Variants in ADAMTSL1 observed in about 807,000 individuals in gnomAD.
ADAMTSL1 encodes ADAMTS-like protein 1.
ADAMTSL1 carries 126 observed loss-of-function variants against 201.8 expected under a neutral mutation model. The ratio of observed to expected loss-of-function variants is 0.62; its 90% CI spans 0.54 to 0.72. The LOEUF (loss-of-function observed/expected upper bound fraction) is 0.72, where lower values mean the gene tolerates loss of function less well. ADAMTSL1 is among the 30% of genes least tolerant of loss of function. ADAMTSL1 has a pLI of 0.00. For synonymous variants in ADAMTSL1, 1,121 were observed against 903.4 expected (o/e 1.24, Z -4.32); for missense variants, 2,679 against 2,277.8 (o/e 1.18, Z -3.59).
At chr9:18,554,432 T>C (rs759623097) in intron 3 of ADAMTSL1, among the ~76,000 whole-genome samples, 28 of 151,850 alleles carry the variant, frequency 1.8e-4, no homozygotes, top group Non-Finnish European at 3.4e-4. Flanking sequence ...GTTTACGATG[T>C]GTACTTCCTG....
At chr9:17,923,770 A>G (rs1183419699) in intron 1 of ADAMTSL1, among the ~76,000 whole-genome samples, 44 of 139,256 alleles carry the variant, frequency 3.2e-4, no homozygotes, top group Admixed American at 2.2e-3. Flanking sequence ...TTTGTCATAG[A>G]TAGCTCTTAT....
At chr9:18,642,191 G>A (rs1791253990) in intron 7 of ADAMTSL1, among the ~76,000 whole-genome samples, 1 of 151,838 alleles carries the variant, frequency 6.6e-6, no homozygotes, top group Non-Finnish European at 1.5e-5. Context: ...CTATCCAACA[G>A]CTATCTGAAG....
intron 1 of ADAMTSL1, among the ~76,000 whole-genome samples, chr9:17,943,734 A>G (rs1040305668): frequency 3.9e-5 from 6 of 152,136 alleles, no homozygotes; most frequent in South Asian, 2.1e-4. Context: ...TATCTGTATT[A>G]GGCTTTTCTT....
At chr9:18,091,866 A>G (rs1234118892) in intron 1 of ADAMTSL1, among the ~76,000 whole-genome samples, 1 of 152,094 alleles carries the variant, frequency 6.6e-6, no homozygotes, top group East Asian at 1.9e-4. Context: ...ATTGTGAGTG[A>G]GTGAGTGAGT....
chr9:18,775,295 T>G (rs1588085363), intron 17 of ADAMTSL1, among the ~76,000 whole-genome samples: 2 of 152,242 alleles, frequency 1.3e-5, no homozygotes, highest in East Asian at 3.8e-4. Flanking sequence ...TAAAATATTG[T>G]CACTTACTTG....
At chr9:18,677,464 A>C (rs1006289683) in intron 10 of ADAMTSL1, among the ~76,000 whole-genome samples, 1 of 152,072 alleles carries the variant, frequency 6.6e-6, no homozygotes. Context: ...TGTGAAATAA[A>C]TGTTCATAGG....
chr9:18,229,862 AT>A (rs1398395942), intron 2 of ADAMTSL1, among the ~76,000 whole-genome samples: 2 of 151,844 alleles, frequency 1.3e-5, no homozygotes. Flanking sequence ...TGCCCGGCTA[AT>A]TTTTTGTATT....
intron 1 of ADAMTSL1, among the ~76,000 whole-genome samples, chr9:17,924,933 G>A (rs1826464184): frequency 8.0e-6 from 1 of 124,310 alleles, no homozygotes; most frequent in Non-Finnish European, 1.7e-5. Flanking sequence ...CAAAATGGGA[G>A]AAAATTTTCG....
chr9:18,250,145 T>C (rs1043134806), intron 2 of ADAMTSL1, among the ~76,000 whole-genome samples: 5 of 152,234 alleles, frequency 3.3e-5, no homozygotes, highest in Non-Finnish European at 5.9e-5. Context: ...TTTCTCATTC[T>C]ATTTTAAGTA....
chr9:18,852,993 A>G (rs777175519), intron 23 of ADAMTSL1, among the ~76,000 whole-genome samples: 3 of 152,194 alleles, frequency 2.0e-5, no homozygotes, highest in Non-Finnish European at 4.4e-5. Flanking sequence ...AGCCAGGAGC[A>G]GTTTCCTTAC....
chr9:18,888,115 A>C, intron 24 of ADAMTSL1, 72 bp downstream of exon 24: 1 of 1,461,106 alleles, frequency 6.8e-7, no homozygotes, highest in Non-Finnish European at 9.3e-7. Context: ...ACTATCTAGC[A>C]GAACAAAGAG....
intron 16 of ADAMTSL1, among the ~76,000 whole-genome samples, chr9:18,762,709 T>C (rs1011830236): frequency 1.3e-5 from 2 of 152,084 alleles, no homozygotes; most frequent in Non-Finnish European, 2.9e-5. Flanking sequence ...TGAGTTCAAT[T>C]GTTTTGATTT....
chr9:18,551,392 TAATA>T (rs1160406747), intron 3 of ADAMTSL1, among the ~76,000 whole-genome samples: 2 of 151,928 alleles, frequency 1.3e-5, no homozygotes, highest in African/African-American at 4.8e-5. Context: ...TATCTGATTT[TAATA>T]AAAGAAATTG....
chr9:18,662,217 C>G, intron 9 of ADAMTSL1, 144 bp downstream of exon 9: 1 of 1,130,778 alleles, frequency 8.8e-7, no homozygotes, highest in Non-Finnish European at 1.2e-6. Context: ...TTACTAATCA[C>G]GTGTTATTAG....
chr9:18,795,412 A>G lies in ADAMTSL1; in HGVS notation c.3693A>G (p.Pro1231=). ...GTCGCTCCAGGATTCTTCTACAGCCAGATGATTCCTTACAGATCTTGGCAC... is the reference window on the plus strand; with the variant it reads ...GTCGCTCCAGGATTCTTCTACAGCCGGATGATTCCTTACAGATCTTGGCAC... ...VQFSDRILLQ[P]DDSLQILAPV... is the part of the protein sequence containing the mutation. The change falls in exon 20 of 29, where the codon CCA becomes CCG. Residue 1231 remains proline (P), a synonymous_variant. Coordinates refer to ENST00000380548, the MANE Select transcript of ADAMTSL1 (RefSeq NM_001040272.6). 1 of 1,613,918 alleles carries G rather than the reference A, an allele frequency of 6.2e-7. No individual in the cohort carries two copies. Among genetic ancestry groups the G allele is most frequent in the Non-Finnish European group, 8.5e-7 (1 of 1,179,822 alleles).
At chr9:18,754,509 C>G (rs143579748) in intron 16 of ADAMTSL1, among the ~76,000 whole-genome samples, 114 of 152,284 alleles carry the variant, frequency 7.5e-4, no homozygotes, top group African/African-American at 2.6e-3. Context: ...TTTCTTCACT[C>G]TCAAAAGTGT....
At chr9:18,003,729 C>T (rs890146266) in intron 1 of ADAMTSL1, among the ~76,000 whole-genome samples, 2 of 152,028 alleles carry the variant, frequency 1.3e-5, no homozygotes, top group Non-Finnish European at 2.9e-5. Context: ...GATCAACATC[C>T]AGAATATTTC....
At chr9:17,933,064 C>T (rs562749346) in intron 1 of ADAMTSL1, among the ~76,000 whole-genome samples, 14 of 152,040 alleles carry the variant, frequency 9.2e-5, no homozygotes, top group Admixed American at 7.2e-4. Flanking sequence ...TGTTTCTTTT[C>T]GGTGCTGTAA....
At chr9:18,145,096 A>G (rs1311852659) in intron 1 of ADAMTSL1, among the ~76,000 whole-genome samples, 1 of 152,200 alleles carries the variant, frequency 6.6e-6, no homozygotes, top group African/African-American at 2.4e-5. Flanking sequence ...ATTTAGGTAT[A>G]ACCTGATCAT....
Sources: gnomAD v4.1 joint callset for allele counts (sites outside exome capture counted in the v4.1 genomes callset) on GRCh38, gnomAD v4.1.1 for gene constraint, MANE v1.5 for transcripts, NCBI Gene and HGNC (gene_info 2026-07-23, HGNC 2026-07-21) for gene names.